Variants in SLC22A15 observed in about 807,000 individuals in gnomAD.
SLC22A15 encodes the protein flipt 1.
Under a neutral mutation model 62.7 loss-of-function variants are expected in SLC22A15, and 45 were observed. That is an observed-to-expected ratio of 0.72 (90% CI 0.56 to 0.92). The LOEUF is 0.92. Ranked by LOEUF, SLC22A15 falls within the 40% of genes least tolerant of loss-of-function variation. The pLI, the probability that SLC22A15 is intolerant of heterozygous loss-of-function variation, is 0.00. For synonymous variants in SLC22A15, 264 were observed against 267.0 expected (o/e 0.99, Z 0.11); for missense variants, 622 against 665.6 (o/e 0.93, Z 0.72).
In SLC22A15 at chr1:116,003,987, G is replaced by A. The variant is rs367865855; in HGVS notation, c.300+11744G>A. Among the ~76,000 whole-genome samples, 7 of 152,298 alleles carry A rather than the reference G, an allele frequency of 4.6e-5. No individual in the cohort carries two copies. In the South Asian group the frequency reaches 1.2e-3, roughly 27 times the overall value. ...CCTTAGGCCTCCCAGATATTATCAA[G>A]GAACTGAAACTCAGCAGATCACTGC... On this transcript the variant is annotated intron_variant, in intron 2 of 11. Coordinates refer to ENST00000369503, the MANE Select transcript of SLC22A15 (RefSeq NM_018420.3).
chr1:116,038,031 T>G (rs1294028878), intron 8 of SLC22A15, among the ~76,000 whole-genome samples: 3 of 152,344 alleles, frequency 2.0e-5, no homozygotes, highest in Middle Eastern at 3.4e-3. Flanking sequence ...ATTCTGTAGC[T>G]ATTGCTGGTT....
chr1:116,058,144 A>G (rs1658272478), intron 8 of SLC22A15, among the ~76,000 whole-genome samples: 1 of 152,046 alleles, frequency 6.6e-6, no homozygotes. Flanking sequence ...AAGAGCTTCT[A>G]CATAGCAAAA....
chr1:116,066,750 C>T, intron 11 of SLC22A15, 42 bp downstream of exon 11: 1 of 1,523,326 alleles, frequency 6.6e-7, no homozygotes, highest in African/African-American at 1.4e-5. Flanking sequence ...TGGATAGTGG[C>T]AGTTAATGAA....
intron 2 of SLC22A15, among the ~76,000 whole-genome samples, chr1:115,995,365 C>T (rs374703750): frequency 1.3e-5 from 2 of 152,150 alleles, no homozygotes; most frequent in East Asian, 3.8e-4. Flanking sequence ...AATTCTTCTG[C>T]CTCACCCTCC....
chr1:116,014,400 C>A (rs1181151475), intron 2 of SLC22A15, among the ~76,000 whole-genome samples: 1 of 152,116 alleles, frequency 6.6e-6, no homozygotes, highest in Non-Finnish European at 1.5e-5. Flanking sequence ...CCCCTCAAAT[C>A]CTTTTTGAAA....
At chr1:116,031,628 C>G (rs775086312) in intron 6 of SLC22A15, 47 bp downstream of exon 6, 1 of 1,603,616 alleles carries the variant, frequency 6.2e-7, no homozygotes, top group Non-Finnish European at 8.5e-7. Flanking sequence ...TAAGGTTGCT[C>G]GAGCTTCTCT....
intron 4 of SLC22A15, among the ~76,000 whole-genome samples, chr1:116,022,823 T>C (rs1234799124): frequency 6.6e-6 from 1 of 152,118 alleles, no homozygotes; most frequent in African/African-American, 2.4e-5. Flanking sequence ...CAATGTGAAA[T>C]TGAGAGCATG....
At chr1:116,026,094 G>A (rs1292694668) in intron 4 of SLC22A15, among the ~76,000 whole-genome samples, 1 of 152,100 alleles carries the variant, frequency 6.6e-6, no homozygotes, top group African/African-American at 2.4e-5. Context: ...AAGGCAGTAG[G>A]GAGAATTGGG....
At chr1:116,019,843 A>T (rs1656730514) in intron 3 of SLC22A15, 129 bp downstream of exon 3, 1 of 1,071,074 alleles carries the variant, frequency 9.3e-7, no homozygotes, top group African/African-American at 1.6e-5. Flanking sequence ...ACTGATCTTT[A>T]TTATCCTGGC....
At chr1:115,992,830 T>G (rs1655220459) in intron 2 of SLC22A15, among the ~76,000 whole-genome samples, 1 of 152,056 alleles carries the variant, frequency 6.6e-6, no homozygotes, top group Admixed American at 6.6e-5. Context: ...TTCACCATGT[T>G]GACCAGGCTG....
intron 8 of SLC22A15, among the ~76,000 whole-genome samples, chr1:116,056,928 C>T (rs1042096290): frequency 9.8e-4 from 149 of 151,930 alleles, no homozygotes; most frequent in African/African-American, 3.3e-3. Context: ...AAGACTTAAA[C>T]GTTAGACCTA....
intron 7 of SLC22A15, 96 bp downstream of exon 7, chr1:116,035,423 T>C: frequency 2.9e-6 from 3 of 1,037,084 alleles, no homozygotes; most frequent in Non-Finnish European, 4.0e-6. Context: ...GGTGTTGTCT[T>C]TGTATGCAGT....
rs866610449 is a variant in SLC22A15 at position 116,062,626 on chromosome 1, A to G, written c.1172-136A>G. 53 of 949,076 alleles carry G rather than the reference A, an allele frequency of 5.6e-5. No homozygotes were observed. In the Middle Eastern group the frequency reaches 1.0e-3, roughly 19 times the overall value. 58.8% of individuals were successfully genotyped at this position (949,076 alleles called of 1,614,324 possible). A position where few individuals can be genotyped will look rare whatever the true frequency, so the allele number is the denominator to read the frequency against. On this transcript the variant is annotated intron_variant, in intron 8 of 11. Coordinates refer to ENST00000369503, the MANE Select transcript of SLC22A15 (RefSeq NM_018420.3). ...GTTGTGTGATTACTAAACCTTCTGA[A>G]TGTGTATTTGGTTACACTATCTCTT...
In SLC22A15 at chr1:116,021,791, G is replaced by C. The variant is rs187710731; in HGVS notation, c.598+906G>C. ...CCTTCATTTTATGGATGATGAAATTGAGCCTTTGAGAGATGAGGTGACATG... is the reference window on the plus strand; with the variant it reads ...CCTTCATTTTATGGATGATGAAATTCAGCCTTTGAGAGATGAGGTGACATG... On this transcript the variant is annotated intron_variant, in intron 4 of 11. Transcript: ENST00000369503. Among the ~76,000 whole-genome samples the C allele has an allele frequency of 2.7e-4, 41 of 152,294 alleles. 1 individual carries two copies. The highest frequency in any genetic ancestry group is 1.8e-3 in the Admixed American group (28 of 15,304).
intron 7 of SLC22A15, among the ~76,000 whole-genome samples, chr1:116,036,395 T>A (rs17035172): frequency 6.6e-6 from 1 of 152,108 alleles, no homozygotes; most frequent in Non-Finnish European, 1.5e-5. Flanking sequence ...CCATATTGAC[T>A]GTTAAATTAA....
intron 1 of SLC22A15, among the ~76,000 whole-genome samples, chr1:115,983,783 C>T (rs1190522869): frequency 6.6e-6 from 1 of 152,174 alleles, no homozygotes; most frequent in African/African-American, 2.4e-5. Context: ...GGAGTGGTTG[C>T]AGCCTCGTGA....
intron 1 of SLC22A15, among the ~76,000 whole-genome samples, chr1:115,982,801 C>G (rs1272725061): frequency 6.6e-6 from 1 of 152,174 alleles, no homozygotes; most frequent in Non-Finnish European, 1.5e-5. Context: ...ACATCGTTTC[C>G]TTTTACTTCA....
chr1:116,043,785 A>G (rs1657854252), intron 8 of SLC22A15, among the ~76,000 whole-genome samples: 1 of 152,200 alleles, frequency 6.6e-6, no homozygotes, highest in Non-Finnish European at 1.5e-5. Context: ...GGACATCACT[A>G]TAGAACCTAT....
At position 116,041,142 on chromosome 1, in the gene SLC22A15, G is replaced by C. The variant is rs187916108; in HGVS notation, c.1171+3754G>C. Among the ~76,000 whole-genome samples the C allele has an allele frequency of 3.9e-5, 6 of 152,208 alleles. No homozygotes were observed. In the East Asian group the frequency reaches 7.7e-4, roughly 20 times the overall value. On this transcript the variant is annotated intron_variant, in intron 8 of 11. Transcript: ENST00000369503. Reference sequence around the variant, plus strand: ...TAGGAGATCATGGCATGATAAACACGGTTCTTAGTGAAGGAGTGTCCTTAG... The same window carrying C: ...TAGGAGATCATGGCATGATAAACACCGTTCTTAGTGAAGGAGTGTCCTTAG...
Sources: allele counts gnomAD v4.1 joint callset (sites outside exome capture counted in the v4.1 genomes callset), GRCh38; gene constraint gnomAD v4.1.1; transcripts MANE v1.5; gene names NCBI Gene and HGNC (gene_info 2026-07-23, HGNC 2026-07-21).